Variants in NEDD4L observed in about 807,000 individuals in gnomAD.
NEDD4L encodes the protein E3 ubiquitin-protein ligase NEDD4-like.
Under a neutral mutation model 148.9 loss-of-function variants are expected in NEDD4L, and 54 were observed. That is an observed-to-expected ratio of 0.36 (90% CI 0.29 to 0.45). NEDD4L has a LOEUF of 0.45. Among genes scored for constraint, NEDD4L ranks in the 20% least tolerant of loss-of-function variants. The pLI, the probability that NEDD4L is intolerant of heterozygous loss-of-function variation, is 1.00. For missense variants in NEDD4L, 856 were observed against 1,233.8 expected, an observed-to-expected ratio of 0.69 and a Z score of 4.59; for synonymous variants, 433 against 440.7, an observed-to-expected ratio of 0.98 and a Z score of 0.22.
At chr18:58,117,614 A>G (rs1035234141) in intron 1 of NEDD4L, among the ~76,000 whole-genome samples, 3 of 152,200 alleles carry the variant, frequency 2.0e-5, no homozygotes, top group Admixed American at 1.3e-4. Context: ...GGTTACCCTG[A>G]CGGGGCCAGA....
chr18:58,275,177 C>T (rs2051695973), intron 5 of NEDD4L, among the ~76,000 whole-genome samples: 2 of 151,778 alleles, frequency 1.3e-5, no homozygotes, highest in South Asian at 4.1e-4. Flanking sequence ...AAATTAAATA[C>T]TGTGTTCTCA....
chr18:58,248,163 C>T (rs2047503449), intron 3 of NEDD4L, among the ~76,000 whole-genome samples: 1 of 152,188 alleles, frequency 6.6e-6, no homozygotes, highest in Non-Finnish European at 1.5e-5. Flanking sequence ...CATGAACACA[C>T]ATGTACAGTC....
intron 1 of NEDD4L, among the ~76,000 whole-genome samples, chr18:58,066,897 C>G (rs1302600143): frequency 6.6e-6 from 1 of 152,156 alleles, no homozygotes; most frequent in Non-Finnish European, 1.5e-5. Flanking sequence ...CTCCCATCAT[C>G]TCATCTCCTT....
chr18:58,286,650 C>T (rs2053947101), intron 5 of NEDD4L, among the ~76,000 whole-genome samples: 1 of 152,160 alleles, frequency 6.6e-6, no homozygotes. Flanking sequence ...TGACTGAGGG[C>T]TTCATCATGT....
chr18:58,390,780 G>A, intron 29 of NEDD4L, 38 bp downstream of exon 29: 2 of 1,459,614 alleles, frequency 1.4e-6, no homozygotes. Context: ...GTCCTCCTGG[G>A]AATTTCCAGC....
chr18:58,373,411 C>G, intron 24 of NEDD4L, 142 bp downstream of exon 24: 1 of 615,668 alleles, frequency 1.6e-6, no homozygotes, highest in Non-Finnish European at 3.0e-6. Flanking sequence ...ATTGTAGCAG[C>G]ACCTTTTTGT....
intron 1 of NEDD4L, among the ~76,000 whole-genome samples, chr18:58,164,746 G>A (rs1196588835): frequency 6.6e-6 from 1 of 152,240 alleles, no homozygotes; most frequent in African/African-American, 2.4e-5. Flanking sequence ...TGGGATTACA[G>A]GCATAAGCCA....
intron 1 of NEDD4L, among the ~76,000 whole-genome samples, chr18:58,100,088 A>G (rs911308320): frequency 6.6e-6 from 1 of 152,154 alleles, no homozygotes; most frequent in African/African-American, 2.4e-5. Context: ...AGACAGAAGC[A>G]TGCTGGGATG....
At chr18:58,096,771 A>G (rs1011913566) in intron 1 of NEDD4L, among the ~76,000 whole-genome samples, 2 of 152,204 alleles carry the variant, frequency 1.3e-5, no homozygotes, top group South Asian at 2.1e-4. Context: ...AACCAACTCC[A>G]TGCTTATTTG....
intron 18 of NEDD4L, among the ~76,000 whole-genome samples, chr18:58,353,081 G>T (rs973490525): frequency 1.3e-5 from 2 of 152,196 alleles, no homozygotes; most frequent in Non-Finnish European, 2.9e-5. Flanking sequence ...TGTTGTGCTT[G>T]ATCAGAAAGT....
intron 2 of NEDD4L, among the ~76,000 whole-genome samples, chr18:58,187,018 G>T (rs187397648): frequency 2.6e-5 from 4 of 152,346 alleles, no homozygotes; most frequent in East Asian, 3.9e-4. Context: ...CTTCACGCAG[G>T]AAAGTGATCT....
chr18:58,281,089 C>T (rs1443193318), intron 5 of NEDD4L, among the ~76,000 whole-genome samples: 6 of 152,052 alleles, frequency 3.9e-5, no homozygotes, highest in African/African-American at 9.7e-5. Flanking sequence ...GCGATCCTCC[C>T]GCCTCAGCCT....
At chr18:58,143,384 T>C (rs1195000964) in intron 1 of NEDD4L, among the ~76,000 whole-genome samples, 1 of 152,212 alleles carries the variant, frequency 6.6e-6, no homozygotes, top group African/African-American at 2.4e-5. Context: ...CTGCAGTGTC[T>C]GTAGTATTCC....
At chr18:58,077,131 G>T (rs575967627) in intron 1 of NEDD4L, among the ~76,000 whole-genome samples, 1 of 145,206 alleles carries the variant, frequency 6.9e-6, no homozygotes, top group South Asian at 2.2e-4. Context: ...GATTACAGGC[G>T]TGAGCCACCA....
intron 10 of NEDD4L, among the ~76,000 whole-genome samples, chr18:58,329,887 A>G (rs944960457): frequency 6.6e-6 from 1 of 152,120 alleles, no homozygotes; most frequent in African/African-American, 2.4e-5. Context: ...ATTAAATGAC[A>G]GCTTGTTTTT....
chr18:58,125,516 C>T (rs1331433299), intron 1 of NEDD4L, among the ~76,000 whole-genome samples: 24 of 152,136 alleles, frequency 1.6e-4, no homozygotes, highest in East Asian at 1.9e-4. Flanking sequence ...CACATCAGGT[C>T]CTCAGTGGCC....
At chr18:58,172,537 G>T (rs897757997) in intron 2 of NEDD4L, among the ~76,000 whole-genome samples, 1 of 152,232 alleles carries the variant, frequency 6.6e-6, no homozygotes, top group Non-Finnish European at 1.5e-5. Flanking sequence ...TATGTAGCAG[G>T]CACTGTTGTT....
rs1050089870 is a variant in NEDD4L, at chr18:58,206,390, AAAC to A, written c.123-39026_123-39024del. The stretch of plus-strand genomic sequence containing the variant: ...GGTGACATAGCGAGACTCCATCTCA[AAAC>A]AACAACAACAGCAACAACAACAAAA... On this transcript the variant is annotated intron_variant, in intron 2 of 30. Coordinates refer to ENST00000400345, the MANE Select transcript of NEDD4L (RefSeq NM_001144967.3). 7.9e-5 allele frequency among the ~76,000 whole-genome samples: 12 copies of A among 152,144 alleles called. No individual in the cohort carries two copies. In the South Asian group the frequency reaches 1.0e-3, roughly 13 times the overall value.
intron 1 of NEDD4L, among the ~76,000 whole-genome samples, chr18:58,072,191 G>A (rs983365669): frequency 2.6e-5 from 4 of 152,092 alleles, no homozygotes; most frequent in African/African-American, 9.7e-5. Context: ...AATTCACTGG[G>A]TGAATTCTAC....
Sources: gnomAD v4.1 joint callset for allele counts (sites outside exome capture counted in the v4.1 genomes callset) on GRCh38, gnomAD v4.1.1 for gene constraint, MANE v1.5 for transcripts, NCBI Gene and HGNC (gene_info 2026-07-23, HGNC 2026-07-21) for gene names.